Variants in CHMP4C observed in about 807,000 individuals in gnomAD.
CHMP4C encodes the protein SNF7 homolog associated with Alix 3.
In CHMP4C, 28 loss-of-function variants were observed where a neutral mutation model predicts 29.0. The observed-to-expected ratio is 0.97, with a 90% CI of 0.72 to 1.32. CHMP4C has a LOEUF of 1.32. Ranked by LOEUF, CHMP4C falls within the 40% of genes most tolerant of loss-of-function variation. The pLI is 0.00. For synonymous variants in CHMP4C, 106 were observed against 102.4 expected, an observed-to-expected ratio of 1.04 and a Z score of -0.21; for missense variants, 291 against 281.0, an observed-to-expected ratio of 1.04 and a Z score of -0.25.
At chr8:81,739,570 C>A (rs186746580) in intron 1 of CHMP4C, among the ~76,000 whole-genome samples, 1 of 152,300 alleles carries the variant, frequency 6.6e-6, no homozygotes, top group Admixed American at 6.5e-5. Context: ...CCTAATTTCC[C>A]TCCCTTACCA....
At chr8:81,750,798 G>T (rs1295402884) in intron 1 of CHMP4C, among the ~76,000 whole-genome samples, 1 of 151,930 alleles carries the variant, frequency 6.6e-6, no homozygotes, top group African/African-American at 2.4e-5. Flanking sequence ...GAAATAATAG[G>T]ATACAATTTT....
chr8:81,750,207 A>G (rs1342033540), intron 1 of CHMP4C, among the ~76,000 whole-genome samples: 2 of 152,178 alleles, frequency 1.3e-5, no homozygotes, highest in East Asian at 1.9e-4. Flanking sequence ...TAGAAACATA[A>G]TCTTTTAAAA....
intron 2 of CHMP4C, among the ~76,000 whole-genome samples, chr8:81,755,032 T>C (rs932434181): frequency 1.3e-5 from 2 of 152,170 alleles, no homozygotes; most frequent in East Asian, 3.8e-4. Context: ...TAGTGTTTCC[T>C]GCAGAGTTGA....
Position 81,758,584 on chromosome 8 carries a change from G to A in CHMP4C, c.*40G>A, listed in dbSNP as rs773421802. On this transcript the variant is annotated 3_prime_UTR_variant, in exon 5 of 5. Coordinates refer to ENST00000297265, the MANE Select transcript of CHMP4C (RefSeq NM_152284.4). ...TTGATACCTAAATTAATGAGCTATA[G>A]ATAAAATATAAAAAATGTTTTTACC... 1.5e-6 allele frequency: 2 copies of A among 1,301,266 alleles called. No homozygotes were observed. The highest frequency in any genetic ancestry group is 2.9e-5 in the African/African-American group (2 of 68,084). 80.6% of individuals were successfully genotyped at this position (1,301,266 alleles called of 1,614,324 possible). A position where few individuals can be genotyped will look rare whatever the true frequency, so the allele number is the denominator to read the frequency against.
chr8:81,744,960 A>C (rs1278553794), intron 1 of CHMP4C, among the ~76,000 whole-genome samples: 1 of 152,204 alleles, frequency 6.6e-6, no homozygotes, highest in Non-Finnish European at 1.5e-5. Flanking sequence ...TGCGTGTTAA[A>C]ATTTTCTATT....
intron 1 of CHMP4C, among the ~76,000 whole-genome samples, chr8:81,739,846 C>A (rs564429054): frequency 1.1e-4 from 17 of 152,300 alleles, no homozygotes; most frequent in Non-Finnish European, 2.5e-4. Flanking sequence ...TTCAGATACC[C>A]ATTTCACTTG....
chr8:81,751,966 CA>C (rs1318685814), intron 1 of CHMP4C, among the ~76,000 whole-genome samples: 1 of 151,306 alleles, frequency 6.6e-6, no homozygotes, highest in Non-Finnish European at 1.5e-5. Context: ...GAATTCAAAG[CA>C]AAAAAGAATG....
At chr8:81,743,710 C>G (rs1294504767) in intron 1 of CHMP4C, among the ~76,000 whole-genome samples, 1 of 152,130 alleles carries the variant, frequency 6.6e-6, no homozygotes, top group Non-Finnish European at 1.5e-5. Context: ...TCATGAACTT[C>G]CCTTCTCAGA....
intron 1 of CHMP4C, among the ~76,000 whole-genome samples, chr8:81,742,918 TG>T (rs1808780426): frequency 1.3e-5 from 2 of 152,158 alleles, no homozygotes; most frequent in South Asian, 2.1e-4. Flanking sequence ...ATTGATTTGT[TG>T]GTGTTACTTG....
chr8:81,753,300 T>C, intron 2 of CHMP4C, 59 bp downstream of exon 2: 2 of 1,342,678 alleles, frequency 1.5e-6, no homozygotes, highest in Non-Finnish European at 2.0e-6. Flanking sequence ...GAAGAACCTT[T>C]GGAACCATAT....
rs552773858 is a variant in CHMP4C at position 81,736,522 on chromosome 8, T to G, written c.190+3706T>G. 9.2e-5 allele frequency among the ~76,000 whole-genome samples: 14 copies of G among 152,198 alleles called. No individual in the cohort carries two copies. The East Asian group carries it at 2.7e-3, about 29-fold the overall frequency. ...CAGTTTAGAGACACTTCCAATACCC[T>G]CCGCACCCACCCCATGTATGAACAG... On this transcript the variant is annotated intron_variant, in intron 1 of 4. Coordinates refer to ENST00000297265, the MANE Select transcript of CHMP4C (RefSeq NM_152284.4).
At chr8:81,735,361 C>T (rs899657640) in intron 1 of CHMP4C, among the ~76,000 whole-genome samples, 1 of 152,166 alleles carries the variant, frequency 6.6e-6, no homozygotes, top group Non-Finnish European at 1.5e-5. Context: ...TAGGCTCCTG[C>T]GTTGGTAACA....
At chr8:81,736,695 G>T (rs1382143683) in intron 1 of CHMP4C, among the ~76,000 whole-genome samples, 1 of 152,164 alleles carries the variant, frequency 6.6e-6, no homozygotes, top group African/African-American at 2.4e-5. Context: ...AGGGAACATT[G>T]CTGTCTTCCT....
chr8:81,746,477 T>G (rs1240391926), intron 1 of CHMP4C, among the ~76,000 whole-genome samples: 1 of 152,194 alleles, frequency 6.6e-6, no homozygotes, highest in African/African-American at 2.4e-5. Context: ...TGTCTGTTGC[T>G]CTGTATTGCC....
chr8:81,733,304 T>A (rs1000986257), intron 1 of CHMP4C, among the ~76,000 whole-genome samples: 4 of 152,162 alleles, frequency 2.6e-5, no homozygotes, highest in African/African-American at 9.7e-5. Context: ...GATTACTGAG[T>A]GTTTTCGCAC....
Position 81,758,602 on chromosome 8 carries a change from T to A in CHMP4C, c.*58T>A. 8.5e-7 allele frequency: 1 copy of A among 1,172,888 alleles called. No individual in the cohort carries two copies. The highest frequency in any genetic ancestry group is 1.3e-6 in the Non-Finnish European group (1 of 790,462). 72.7% of individuals were successfully genotyped at this position (1,172,888 alleles called of 1,614,324 possible). A position where few individuals can be genotyped will look rare whatever the true frequency, so the allele number is the denominator to read the frequency against. On this transcript the variant is annotated 3_prime_UTR_variant, in exon 5 of 5. Coordinates refer to ENST00000297265, the MANE Select transcript of CHMP4C (RefSeq NM_152284.4). ...AGCTATAGATAAAATATAAAAAATG[T>A]TTTTACCAAGTTCAGAAGTTAACAA...
Position 81,732,652 on chromosome 8 carries a change from A to G in CHMP4C, c.26A>G (p.Lys9Arg). MSKLGKFF[K>R]GGGSSKSRAA... ...ATGAGCAAGTTGGGCAAGTTCTTTA[A>G]AGGGGGCGGCTCTTCTAAGAGCCGA... The change falls in exon 1 of 5, where the codon AAA becomes AGA. Residue 9 changes from lysine (K) to arginine (R), a missense_variant. Coordinates refer to ENST00000297265, the MANE Select transcript of CHMP4C (RefSeq NM_152284.4). 1.3e-6 allele frequency: 2 copies of G among 1,559,212 alleles called. No individual in the cohort carries two copies. The highest frequency in any genetic ancestry group is 2.7e-5 in the African/African-American group (2 of 73,538).
intron 1 of CHMP4C, 118 bp from the exon 2 acceptor site, chr8:81,752,946 G>T: frequency 1.0e-5 from 7 of 699,692 alleles, no homozygotes; most frequent in East Asian, 5.8e-5. Flanking sequence ...GGTTTATTTT[G>T]GTATACTCGT....
chr8:81,737,223 A>C (rs1222702725), intron 1 of CHMP4C, among the ~76,000 whole-genome samples: 3 of 152,082 alleles, frequency 2.0e-5, no homozygotes, highest in Non-Finnish European at 4.4e-5. Flanking sequence ...AGTCACCTGG[A>C]TGCATGGGGC....
Sources: allele counts gnomAD v4.1 joint callset (sites outside exome capture counted in the v4.1 genomes callset), GRCh38; gene constraint gnomAD v4.1.1; transcripts MANE v1.5; gene names NCBI Gene and HGNC (gene_info 2026-07-23, HGNC 2026-07-21).